IL4R: variants seen among roughly 807,000 people sequenced by gnomAD.
IL4R encodes the protein interleukin 4 receptor, also known as interleukin-4 receptor subunit alpha.
In IL4R, 17 loss-of-function variants were observed where a neutral mutation model predicts 41.5. The ratio of observed to expected loss-of-function variants is 0.41; its 90% confidence interval spans 0.28 to 0.61. The LOEUF (loss-of-function observed/expected upper bound fraction) is 0.61. Ranked by LOEUF, IL4R falls within the 20% of genes least tolerant of loss-of-function variation. The pLI, the probability that IL4R is intolerant of heterozygous loss-of-function variation, is 0.31. For missense variants in IL4R, 974 were observed against 1,043.1 expected (o/e 0.93, Z 0.91); for synonymous variants, 402 against 422.9 (o/e 0.95, Z 0.61).
At chr16:27,344,622 G>C (rs1028102033) in intron 4 of IL4R, among the ~76,000 whole-genome samples, 3 of 152,190 alleles carry the variant, frequency 2.0e-5, no homozygotes, top group Non-Finnish European at 4.4e-5. Context: ...GACCAGGGCC[G>C]GCAGCTAGGC....
intron 1 of IL4R, among the ~76,000 whole-genome samples, chr16:27,320,880 C>G (rs537871905): frequency 2.6e-5 from 4 of 152,248 alleles, no homozygotes; most frequent in South Asian, 2.1e-4. Context: ...AGCCACATTT[C>G]CACAGGTGGG....
intron 2 of IL4R, among the ~76,000 whole-genome samples, chr16:27,333,798 G>A (rs1272663378): frequency 2.0e-5 from 3 of 152,024 alleles, no homozygotes; most frequent in Non-Finnish European, 4.4e-5. Flanking sequence ...TCAGAAGTGG[G>A]GTGTTCGCAG....
chr16:27,335,246 C>T (rs1403017357), intron 2 of IL4R, among the ~76,000 whole-genome samples: 1 of 152,054 alleles, frequency 6.6e-6, no homozygotes, highest in Non-Finnish European at 1.5e-5. Flanking sequence ...GTGGTGTCTG[C>T]CAGGTTTCTG....
Position 27,342,176 on chromosome 16 carries a change from T to C in IL4R, c.126T>C (p.Ser42=). 1 of 1,613,958 alleles carries C rather than the reference T, an allele frequency of 6.2e-7. No individual in the cohort carries two copies. Among genetic ancestry groups the C allele is most frequent in the Non-Finnish European group, 8.5e-7 (1 of 1,179,788 alleles). The change falls in exon 4 of 11, where the codon TCT becomes TCC. Residue 42 remains serine, a synonymous_variant. Coordinates refer to ENST00000395762, the MANE Select transcript of IL4R (RefSeq NM_000418.4). ...PTCVSDYMSI[S]TCEWKMNGPT... ...GCGTCTCCGACTACATGAGCATCTC[T>C]ACTTGCGAGTGGAAGATGAATGGTC...
In IL4R at chr16:27,335,664, G is replaced by C. The variant is rs1596794044; in HGVS notation, c.-18-4522G>C. 2.0e-5 allele frequency among the ~76,000 whole-genome samples: 3 copies of C among 152,278 alleles called. No homozygotes were observed. In the East Asian group the frequency reaches 5.8e-4, roughly 29 times the overall value. On this transcript the variant is annotated intron_variant, in intron 2 of 10. Transcript: ENST00000395762. ...TTGTCCAGGTCAGGCTAGCTGCTGAGTACTTCCTTATTGTCTGGCACAAGA... is the reference window on the plus strand; with the variant it reads ...TTGTCCAGGTCAGGCTAGCTGCTGACTACTTCCTTATTGTCTGGCACAAGA...
intron 1 of IL4R, among the ~76,000 whole-genome samples, chr16:27,321,269 C>T (rs1008675112): frequency 2.0e-5 from 3 of 152,154 alleles, no homozygotes; most frequent in Admixed American, 1.3e-4. Flanking sequence ...GGAGCTTCCA[C>T]TTTCTGAGTC....
intron 2 of IL4R, among the ~76,000 whole-genome samples, chr16:27,330,554 G>A (rs2085085925): frequency 6.6e-6 from 1 of 152,010 alleles, no homozygotes; most frequent in Non-Finnish European, 1.5e-5. Context: ...CGATTTACTT[G>A]TACTCATTTT....
At chr16:27,343,192 C>T (rs963945968) in intron 4 of IL4R, among the ~76,000 whole-genome samples, 3 of 152,162 alleles carry the variant, frequency 2.0e-5, no homozygotes, top group Admixed American at 1.3e-4. Flanking sequence ...TGGGGATATA[C>T]GGCACACCAG....
chr16:27,332,344 G>C lies in IL4R; in HGVS notation c.-19+2146G>C, dbSNP rs538977901. On this transcript the variant is annotated intron_variant, in intron 2 of 10. Transcript: ENST00000395762. Reference sequence around the variant, plus strand: ...TCAGGAAGGAGACACGCCAAGGAAAGGGGGGGAAAGCCCTTTATAAAACCA... The same window carrying C: ...TCAGGAAGGAGACACGCCAAGGAAACGGGGGGAAAGCCCTTTATAAAACCA... Among the ~76,000 whole-genome samples the C allele has an allele frequency of 2.6e-5, 4 of 152,082 alleles. No individual in the cohort carries two copies. In the East Asian group the frequency reaches 5.8e-4, roughly 22 times the overall value.
rs968773161 is a variant in IL4R, at chr16:27,335,581, T to G, written c.-18-4605T>G. Among the ~76,000 whole-genome samples, 5 of 152,100 alleles carry G rather than the reference T, an allele frequency of 3.3e-5. 1 individual carries two copies. Among genetic ancestry groups the G allele is most frequent in the African/African-American group, 1.2e-4 (5 of 41,422 alleles). ...TCAATACAGACTCCTGGACTTTAAC[T>G]CCAAGGGTTACAAGTGGATACCATA... On this transcript the variant is annotated intron_variant, in intron 2 of 10. Coordinates refer to ENST00000395762, the MANE Select transcript of IL4R (RefSeq NM_000418.4).
rs147917651 is a variant in IL4R, at chr16:27,349,982, T to C, written c.514-2558T>C. 9.9e-3 allele frequency among the ~76,000 whole-genome samples: 1,514 copies of C among 152,286 alleles called. 12 individuals carry two copies. Among genetic ancestry groups the C allele is most frequent in the Non-Finnish European group, 0.015 (994 of 68,024 alleles). On this transcript the variant is annotated intron_variant, in intron 6 of 10. Transcript: ENST00000395762. ...TCCGGGCTGGTCTGGATCTCCTGGC[T>C]TCAAGTGATCCCCCTGGCTCAGCCT...
chr16:27,348,403 A>C (rs913313005), intron 6 of IL4R, among the ~76,000 whole-genome samples: 2 of 152,230 alleles, frequency 1.3e-5, no homozygotes, highest in African/African-American at 4.8e-5. Flanking sequence ...TACCACCTTC[A>C]GAGTCCAAAG....
chr16:27,346,243 G>C (rs933226284), intron 5 of IL4R, among the ~76,000 whole-genome samples: 3 of 152,170 alleles, frequency 2.0e-5, no homozygotes, highest in Non-Finnish European at 2.9e-5. Flanking sequence ...AGAAAAAAAG[G>C]GTAATTAATA....
chr16:27,332,836 T>A (rs1263733974), intron 2 of IL4R, among the ~76,000 whole-genome samples: 1 of 152,078 alleles, frequency 6.6e-6, no homozygotes, highest in Admixed American at 6.6e-5. Context: ...CTGCTTTTGC[T>A]ACGTCTCACC....
intron 3 of IL4R, chr16:27,340,944 A>C: frequency 4.0e-5 from 16 of 399,564 alleles, no homozygotes; most frequent in Non-Finnish European, 6.4e-5. Flanking sequence ...ACAGGAGGGA[A>C]TGTGGTGGAG....
At chr16:27,354,464 A>T (rs921643425) in intron 7 of IL4R, among the ~76,000 whole-genome samples, 24 of 152,250 alleles carry the variant, frequency 1.6e-4, no homozygotes, top group African/African-American at 5.3e-4. Flanking sequence ...AAGCTTCCCT[A>T]GCAAAATTCC....
rs114593366 is a variant in IL4R, at chr16:27,322,750, A to C, written c.-151-7316A>C. On this transcript the variant is annotated intron_variant, in intron 1 of 10. Transcript: ENST00000395762. ...AAAACCATCCACCTTCTCTCTTCTA[A>C]TACTTACTCAAGACATCATTGTCAT... is the stretch of plus-strand genomic sequence containing the variant. Among the ~76,000 whole-genome samples the C allele has an allele frequency of 5.6e-3, 852 of 152,258 alleles. 10 individuals are homozygous for C. The highest frequency in any genetic ancestry group is 0.019 in the African/African-American group (798 of 41,550).
At chr16:27,351,129 T>C (rs772356933) in intron 6 of IL4R, among the ~76,000 whole-genome samples, 14 of 152,178 alleles carry the variant, frequency 9.2e-5, no homozygotes, top group South Asian at 4.1e-4. Context: ...TGAGGCTCAA[T>C]TGGGGAAGGG....
rs569986612 is a variant in IL4R, at chr16:27,363,141, C to T, written c.1789C>T (p.Pro597Ser). The change falls in exon 11 of 11, where the codon CCC becomes TCC. Residue 597 changes from proline to serine, a missense_variant. Physicochemically the swap from Pro to Ser is moderately conservative, Grantham distance 74. Coordinates refer to ENST00000395762, the MANE Select transcript of IL4R (RefSeq NM_000418.4). ...GGCCAGTGCGGTGGTGGGCTTGGGT[C>T]CCCCAGGAGAGGCTGGTTACAAGGC... is the stretch of plus-strand genomic sequence containing the variant. ...TQASAVVGLG[P>S]PGEAGYKAFS... 3.7e-5 allele frequency: 59 copies of T among 1,613,194 alleles called. No individual in the cohort carries two copies. In the Admixed American group the frequency reaches 9.0e-4, roughly 25 times the overall value.
Sources: gnomAD v4.1 joint callset for allele counts (sites outside exome capture counted in the v4.1 genomes callset) on GRCh38, gnomAD v4.1.1 for gene constraint, MANE v1.5 for transcripts, NCBI Gene and HGNC (gene_info 2026-07-23, HGNC 2026-07-21) for gene names.